The following EXOC4 variants were observed in gnomAD, a reference collection of about 807,000 sequenced individuals.
EXOC4 encodes the protein SEC8-like 1.
A neutral mutation model predicts 107.2 loss-of-function variants in EXOC4; 71 were observed. That is an observed-to-expected ratio of 0.66 (90% CI 0.55 to 0.81). The LOEUF (loss-of-function observed/expected upper bound fraction) is 0.81. EXOC4 is among the 30% of genes least tolerant of loss of function. The pLI, the probability that EXOC4 is intolerant of heterozygous loss-of-function variation, is 0.00. For missense variants in EXOC4, 1,108 were observed against 1,189.6 expected (o/e 0.93, Z 1.01); for synonymous variants, 456 against 441.2 (o/e 1.03, Z -0.42).
intron 10 of EXOC4, among the ~76,000 whole-genome samples, chr7:133,778,437 A>T (rs1796391148): frequency 6.6e-6 from 1 of 152,180 alleles, no homozygotes; most frequent in African/African-American, 2.4e-5. Context: ...ATAATAAAAA[A>T]TTAGCTGGGC....
chr7:134,007,742 C>T lies in EXOC4; in HGVS notation c.2594C>T (p.Ser865Phe), dbSNP rs1794674783. Residue 865 changes from serine to phenylalanine, a missense_variant, in exon 17 of 18, where the codon TCT (serine) becomes TTT (phenylalanine). Transcript: ENST00000253861. ...GAQYFRRISE[S>F]GIKKMCRNIF... ...CAGTACTTCAGGCGCATCAGTGAGT[C>T]TGGCATCAAGAAAATGTGTAGGAAC... 6.2e-7 allele frequency: 1 copy of T among 1,613,492 alleles called. No homozygotes were observed. The highest frequency in any genetic ancestry group is 1.3e-5 in the African/African-American group (1 of 74,884).
At chr7:133,543,747 A>T (rs928416925) in intron 9 of EXOC4, among the ~76,000 whole-genome samples, 1 of 152,048 alleles carries the variant, frequency 6.6e-6, no homozygotes, top group Non-Finnish European at 1.5e-5. Context: ...TATAGCCGTC[A>T]AATTCTTTGA....
At chr7:133,699,549 C>G (rs1446634768) in intron 10 of EXOC4, among the ~76,000 whole-genome samples, 1 of 152,094 alleles carries the variant, frequency 6.6e-6, no homozygotes, top group Non-Finnish European at 1.5e-5. Context: ...CTGGGCTGGT[C>G]TCCTTGTAGA....
intron 10 of EXOC4, among the ~76,000 whole-genome samples, chr7:133,666,723 C>T (rs1793822042): frequency 6.6e-6 from 1 of 152,134 alleles, no homozygotes; most frequent in African/African-American, 2.4e-5. Context: ...GACACTATGC[C>T]AGTCACTAGG....
At chr7:133,523,129 T>C (rs1800010907) in intron 9 of EXOC4, among the ~76,000 whole-genome samples, 1 of 152,184 alleles carries the variant, frequency 6.6e-6, no homozygotes, top group Admixed American at 6.5e-5. Context: ...CAGCTTCATA[T>C]TGCTTGAGAC....
intron 7 of EXOC4, among the ~76,000 whole-genome samples, chr7:133,464,206 T>A (rs1798662502): frequency 6.6e-6 from 1 of 152,230 alleles, no homozygotes. Context: ...AGGGTACATT[T>A]GCAGGATGTG....
chr7:133,339,085 A>G (rs1432744417), intron 5 of EXOC4, among the ~76,000 whole-genome samples: 1 of 152,034 alleles, frequency 6.6e-6, no homozygotes, highest in East Asian at 1.9e-4. Flanking sequence ...ACATCTTTAT[A>G]GCTTAGCTCC....
At chr7:133,896,482 G>T (rs150481398) in intron 12 of EXOC4, among the ~76,000 whole-genome samples, 2 of 150,492 alleles carry the variant, frequency 1.3e-5, no homozygotes, top group East Asian at 3.9e-4. Context: ...GTACAGTATA[G>T]ACTGTGAGGG....
At chr7:133,617,048 C>G (rs779632406) in intron 9 of EXOC4, among the ~76,000 whole-genome samples, 1 of 152,104 alleles carries the variant, frequency 6.6e-6, no homozygotes, top group African/African-American at 2.4e-5. Flanking sequence ...CAAAGTTAGA[C>G]AGAGAACTTT....
At chr7:133,265,354 C>T (rs1339544105) in intron 1 of EXOC4, among the ~76,000 whole-genome samples, 1 of 151,280 alleles carries the variant, frequency 6.6e-6, no homozygotes. Flanking sequence ...TCACTGGGGC[C>T]AAGATCGCGC....
intron 10 of EXOC4, among the ~76,000 whole-genome samples, chr7:133,760,275 T>C (rs1007577221): frequency 6.6e-6 from 1 of 152,202 alleles, no homozygotes; most frequent in Non-Finnish European, 1.5e-5. Flanking sequence ...GTAGTGTTTA[T>C]GTATAGTGAC....
intron 5 of EXOC4, among the ~76,000 whole-genome samples, chr7:133,330,591 A>C (rs1052106445): frequency 1.3e-5 from 2 of 152,136 alleles, no homozygotes; most frequent in Admixed American, 1.3e-4. Flanking sequence ...GTGGGTTGCA[A>C]AGACTGTGAG....
intron 14 of EXOC4, among the ~76,000 whole-genome samples, chr7:133,964,488 C>T (rs1302168212): frequency 6.6e-6 from 1 of 152,142 alleles, no homozygotes; most frequent in Non-Finnish European, 1.5e-5. Context: ...AGCCCCCGAC[C>T]TCCCGACAGG....
chr7:133,437,459 A>T (rs1024223882), intron 7 of EXOC4, among the ~76,000 whole-genome samples: 4 of 152,168 alleles, frequency 2.6e-5, no homozygotes, highest in African/African-American at 9.7e-5. Flanking sequence ...TCTAAACTTC[A>T]GACTAATGCT....
chr7:133,261,978 G>A (rs902878555), intron 1 of EXOC4, among the ~76,000 whole-genome samples: 10 of 152,086 alleles, frequency 6.6e-5, no homozygotes, highest in African/African-American at 2.2e-4. Flanking sequence ...TCCGTGTGCT[G>A]CAGCTCTTTC....
Position 133,538,883 on chromosome 7 carries a change from G to GA in EXOC4, c.1417+58745_1417+58746insA, listed in dbSNP as rs770520697. Among the ~76,000 whole-genome samples the GA allele has an allele frequency of 1.9e-4, 23 of 124,154 alleles. No homozygotes were observed. The East Asian group carries it at 2.7e-3, about 14-fold the overall frequency. The allele number at this position is 124,154 out of a possible 152,430, so 81.4% of individuals were successfully genotyped here. A position where few individuals can be genotyped will look rare whatever the true frequency, so the allele number is the denominator to read the frequency against. ...AGAGAGAGAGAGAGAGAGAGAGAGA[G>GA]GGAGGGAGGGAGGGAGGGAAGGAAG... On this transcript the variant is annotated intron_variant, in intron 9 of 17. Transcript: ENST00000253861.
intron 10 of EXOC4, among the ~76,000 whole-genome samples, chr7:133,677,090 T>G (rs1193387588): frequency 1.3e-5 from 2 of 152,088 alleles, no homozygotes; most frequent in Non-Finnish European, 2.9e-5. Context: ...GGTATTATTC[T>G]GTTTTATTAG....
chr7:133,813,836 C>T (rs2151211281), intron 10 of EXOC4, among the ~76,000 whole-genome samples: 1 of 152,186 alleles, frequency 6.6e-6, no homozygotes, highest in African/African-American at 2.4e-5. Flanking sequence ...TATATATACA[C>T]CATCTTCATC....
intron 10 of EXOC4, among the ~76,000 whole-genome samples, chr7:133,748,413 A>G (rs1198595072): frequency 5.3e-5 from 8 of 152,198 alleles, no homozygotes; most frequent in Non-Finnish European, 2.9e-5. Context: ...AAGCCTATCA[A>G]TCAATGAGCC....
Sources: allele counts gnomAD v4.1 joint callset (sites outside exome capture counted in the v4.1 genomes callset), GRCh38; gene constraint gnomAD v4.1.1; transcripts MANE v1.5; gene names NCBI Gene and HGNC (gene_info 2026-07-23, HGNC 2026-07-21).